SIL1: variants seen among roughly 807,000 people sequenced by gnomAD.
SIL1 encodes the protein nucleotide exchange factor SIL1.
In SIL1, 40 loss-of-function variants were observed where a neutral mutation model predicts 49.1. That is an observed-to-expected ratio of 0.81 (90% CI 0.63 to 1.06). The LOEUF (loss-of-function observed/expected upper bound fraction) is 1.06. Ranked by LOEUF, SIL1 falls within the 50% of genes least tolerant of loss-of-function variation. SIL1 has a pLI of 0.00. For synonymous variants in SIL1, 253 were observed against 250.8 expected, an observed-to-expected ratio of 1.01 and a Z score of -0.08; for missense variants, 500 against 572.6, an observed-to-expected ratio of 0.87 and a Z score of 1.29.
chr5:139,088,995 G>A (rs1770285766), intron 3 of SIL1, among the ~76,000 whole-genome samples: 2 of 152,116 alleles, frequency 1.3e-5, no homozygotes, highest in African/African-American at 2.4e-5. Context: ...ATCGGCTTCA[G>A]GAGAACCCAA....
intron 3 of SIL1, among the ~76,000 whole-genome samples, chr5:139,113,295 AAAAAT>A (rs1273578446): frequency 2.0e-5 from 3 of 151,004 alleles, no homozygotes; most frequent in Admixed American, 6.6e-5. Flanking sequence ...ATGATCAATA[AAAAAT>A]AAAATAAAAA....
At chr5:139,039,569 A>T (rs1768993730) in intron 5 of SIL1, among the ~76,000 whole-genome samples, 1 of 152,224 alleles carries the variant, frequency 6.6e-6, no homozygotes, top group Non-Finnish European at 1.5e-5. Flanking sequence ...GGACAAAAAG[A>T]AAATCCAAGG....
chr5:139,024,393 G>A (rs1165836554), intron 6 of SIL1, among the ~76,000 whole-genome samples: 2 of 152,114 alleles, frequency 1.3e-5, no homozygotes, highest in Non-Finnish European at 2.9e-5. Flanking sequence ...GCTATTTGAG[G>A]CCTGAGAAAG....
At chr5:139,174,770 T>A (rs1751843648) in intron 1 of SIL1, among the ~76,000 whole-genome samples, 1 of 150,338 alleles carries the variant, frequency 6.7e-6, no homozygotes, top group Non-Finnish European at 1.5e-5. Context: ...AAACCCTGTC[T>A]CTACTAAAAA....
chr5:139,161,933 A>G (rs1751522159), intron 1 of SIL1, among the ~76,000 whole-genome samples: 1 of 151,778 alleles, frequency 6.6e-6, no homozygotes, highest in Non-Finnish European at 1.5e-5. Flanking sequence ...GGATCATCTG[A>G]GGCTGGGAAG....
At chr5:139,101,300 C>G (rs1581100445) in intron 3 of SIL1, among the ~76,000 whole-genome samples, 2 of 152,274 alleles carry the variant, frequency 1.3e-5, no homozygotes, top group East Asian at 3.9e-4. Context: ...CCTGGAAAAC[C>G]CTTTATACTC....
chr5:139,110,625 A>T (rs1770820083), intron 3 of SIL1, among the ~76,000 whole-genome samples: 2 of 152,256 alleles, frequency 1.3e-5, no homozygotes, highest in South Asian at 4.1e-4. Flanking sequence ...CTTGATTAGC[A>T]CCCAGGCAAC....
chr5:139,008,691 C>T (rs1314449750), intron 7 of SIL1, among the ~76,000 whole-genome samples: 1 of 149,714 alleles, frequency 6.7e-6, no homozygotes, highest in African/African-American at 2.5e-5. Context: ...CAAAGAACAT[C>T]TTTATTTCTG....
At chr5:139,016,145 A>T (rs1156523775) in intron 7 of SIL1, among the ~76,000 whole-genome samples, 1 of 152,218 alleles carries the variant, frequency 6.6e-6, no homozygotes, top group African/African-American at 2.4e-5. Flanking sequence ...ATTGTCTAGT[A>T]GACAACAATA....
intron 7 of SIL1, among the ~76,000 whole-genome samples, chr5:139,005,510 G>T (rs1768096211): frequency 7.1e-6 from 1 of 139,886 alleles, no homozygotes; most frequent in African/African-American, 2.7e-5. Flanking sequence ...GTGCAGGTTA[G>T]TTACATATGT....
chr5:139,021,119 G>A (rs749433112), intron 7 of SIL1, 52 bp downstream of exon 7: 1 of 1,613,246 alleles, frequency 6.2e-7, no homozygotes, highest in Non-Finnish European at 8.5e-7. Flanking sequence ...CTTCTTCCAA[G>A]CAGATCAGGC....
chr5:139,093,234 C>T (rs1299458655), intron 3 of SIL1, among the ~76,000 whole-genome samples: 3 of 152,186 alleles, frequency 2.0e-5, no homozygotes, highest in Admixed American at 1.3e-4. Context: ...CAACTAGGCC[C>T]ACAACAGATG....
In SIL1 at chr5:138,951,388, C is replaced by T. The variant is rs955509236; in HGVS notation, c.865-53G>A. The T allele has an allele frequency of 1.0e-5, 16 of 1,538,860 alleles. No homozygotes were observed. The Admixed American group carries it at 3.2e-4, about 30-fold the overall frequency. ...AGGGGCCAAGCGAGCTGGACCTGCC[C>T]TGAGGCCCAGGGAAGGCAGGCAGAG... On this transcript the variant is annotated intron_variant, in intron 8 of 9. Transcript: ENST00000394817.
At chr5:139,132,046 T>TAC (rs372197238) in intron 1 of SIL1, among the ~76,000 whole-genome samples, 151 of 151,480 alleles carry the variant, frequency 1.0e-3, no homozygotes, top group South Asian at 6.5e-3. Context: ...CTCATGTGTA[T>TAC]ACACACACAC....
At chr5:139,096,953 G>A (rs1770480044) in intron 3 of SIL1, among the ~76,000 whole-genome samples, 1 of 151,990 alleles carries the variant, frequency 6.6e-6, no homozygotes, top group Admixed American at 6.5e-5. Flanking sequence ...CCAGAAGGGA[G>A]CCCACTGCGC....
At chr5:138,997,402 T>A (rs945072935) in intron 7 of SIL1, among the ~76,000 whole-genome samples, 35 of 152,216 alleles carry the variant, frequency 2.3e-4, no homozygotes, top group African/African-American at 8.2e-4. Context: ...CCTTTGCCCA[T>A]TGGATGTTCT....
chr5:139,092,344 T>C (rs1770360577), intron 3 of SIL1, among the ~76,000 whole-genome samples: 1 of 152,218 alleles, frequency 6.6e-6, no homozygotes, highest in Non-Finnish European at 1.5e-5. Flanking sequence ...TGGTAGAAAT[T>C]TCTCCTTTGT....
At chr5:139,123,782 G>C (rs542979857) in intron 2 of SIL1, among the ~76,000 whole-genome samples, 1 of 152,328 alleles carries the variant, frequency 6.6e-6, no homozygotes, top group Non-Finnish European at 1.5e-5. Flanking sequence ...CTGCTACTCC[G>C]CTGGTCTACC....
chr5:139,093,212 C>T (rs994706469), intron 3 of SIL1, among the ~76,000 whole-genome samples: 2 of 152,176 alleles, frequency 1.3e-5, no homozygotes, highest in East Asian at 1.9e-4. Flanking sequence ...CCTTTGGCCA[C>T]GTATGCCACA....
Sources: allele counts gnomAD v4.1 joint callset (sites outside exome capture counted in the v4.1 genomes callset), GRCh38; gene constraint gnomAD v4.1.1; transcripts MANE v1.5; gene names NCBI Gene and HGNC (gene_info 2026-07-23, HGNC 2026-07-21).